Variants in GABRB1 observed in about 807,000 individuals in gnomAD.
The protein encoded by GABRB1 is gamma-aminobutyric acid receptor subunit beta-1.
A neutral mutation model predicts 51.6 loss-of-function variants in GABRB1; 17 were observed. The observed-to-expected ratio is 0.33, with a 90% confidence interval of 0.23 to 0.49. GABRB1 has a LOEUF of 0.49. GABRB1 is among the 20% of genes least tolerant of loss of function. GABRB1 has a pLI of 0.99. For synonymous variants in GABRB1, 247 were observed against 218.9 expected (o/e 1.13, Z -1.14); for missense variants, 410 against 600.6 (o/e 0.68, Z 3.32).
chr4:47,250,023 C>A (rs1030292191), intron 4 of GABRB1, among the ~76,000 whole-genome samples: 2 of 151,902 alleles, frequency 1.3e-5, no homozygotes, highest in East Asian at 3.9e-4. Flanking sequence ...TGATTTTTAA[C>A]TTGTATTTTT....
At chr4:47,350,320 G>A (rs1398084767) in intron 5 of GABRB1, among the ~76,000 whole-genome samples, 5 of 146,320 alleles carry the variant, frequency 3.4e-5, no homozygotes, top group Middle Eastern at 3.8e-3. Flanking sequence ...TTCAATATAT[G>A]TTTCTGCAAG....
intron 1 of GABRB1, among the ~76,000 whole-genome samples, chr4:47,025,209 G>T (rs886739260): frequency 6.6e-6 from 1 of 151,276 alleles, no homozygotes; most frequent in Non-Finnish European, 1.5e-5. Context: ...ATAAACATGC[G>T]TGTGCAAGTA....
chr4:47,397,610 A>T (rs759813291), intron 5 of GABRB1, among the ~76,000 whole-genome samples: 1 of 151,982 alleles, frequency 6.6e-6, no homozygotes, highest in East Asian at 1.9e-4. Context: ...TCTGTTGCCC[A>T]GGCTGGAGTG....
upstream of GABRB1, among the ~76,000 whole-genome samples, chr4:47,028,635 G>A (rs1380076174): frequency 6.6e-6 from 1 of 151,188 alleles, no homozygotes; most frequent in East Asian, 1.9e-4. Flanking sequence ...GTGGCTAATT[G>A]GAATGAAATT....
intron 7 of GABRB1, among the ~76,000 whole-genome samples, chr4:47,404,675 G>A (rs1455452555): frequency 1.3e-5 from 2 of 152,308 alleles, no homozygotes; most frequent in Middle Eastern, 3.4e-3. Context: ...AGCTCACAAA[G>A]TCAAGTGTTT....
chr4:47,383,093 A>G (rs1397659635), intron 5 of GABRB1, among the ~76,000 whole-genome samples: 1 of 152,182 alleles, frequency 6.6e-6, no homozygotes. Flanking sequence ...CATTCTATTC[A>G]CATGGATTTC....
chr4:47,412,538 T>C (rs1361152696), intron 8 of GABRB1, among the ~76,000 whole-genome samples: 1 of 152,208 alleles, frequency 6.6e-6, no homozygotes, highest in East Asian at 1.9e-4. Context: ...CACTGTGCCA[T>C]ATAGCATTAC....
At chr4:47,381,575 T>G (rs1181951525) in intron 5 of GABRB1, among the ~76,000 whole-genome samples, 1 of 152,146 alleles carries the variant, frequency 6.6e-6, no homozygotes, top group East Asian at 1.9e-4. Context: ...TCCTGTCCAT[T>G]CTCCCAAACA....
intron 1 of GABRB1, among the ~76,000 whole-genome samples, chr4:47,000,620 A>G (rs1724149768): frequency 6.6e-6 from 1 of 152,156 alleles, no homozygotes; most frequent in South Asian, 2.1e-4. Context: ...GGTTTGACTG[A>G]GCTGGGCATT....
chr4:47,092,761 G>C (rs563987143), intron 3 of GABRB1, among the ~76,000 whole-genome samples: 1 of 151,628 alleles, frequency 6.6e-6, no homozygotes. Context: ...ACAGGTGCCC[G>C]CCACCACACC....
intron 4 of GABRB1, among the ~76,000 whole-genome samples, chr4:47,283,259 A>G (rs1723359084): frequency 6.6e-6 from 1 of 151,242 alleles, no homozygotes; most frequent in African/African-American, 2.4e-5. Flanking sequence ...TTCAAACAAG[A>G]CACTAAGTTT....
intron 5 of GABRB1, among the ~76,000 whole-genome samples, chr4:47,365,826 C>A (rs752246555): frequency 2.0e-5 from 3 of 152,204 alleles, no homozygotes; most frequent in Non-Finnish European, 4.4e-5. Context: ...GCACAGCTAA[C>A]CTGCTCTCTC....
chr4:47,359,209 A>T (rs1726709124), intron 5 of GABRB1, among the ~76,000 whole-genome samples: 1 of 152,174 alleles, frequency 6.6e-6, no homozygotes, highest in South Asian at 2.1e-4. Context: ...GCTCTTGCAA[A>T]GATTTCAAAT....
At chr4:47,267,328 T>TATAGCTCTTAAGGAAAAAATATC (rs1232510420) in intron 4 of GABRB1, among the ~76,000 whole-genome samples, 13 of 151,924 alleles carry the variant, frequency 8.6e-5, no homozygotes, top group Admixed American at 8.5e-4. Flanking sequence ...TTAAAAATAT[T>TATAGCTCTTAAGGAAAAAATATC]ATAGCTCTTA....
intron 8 of GABRB1, among the ~76,000 whole-genome samples, chr4:47,413,147 T>G (rs1728813030): frequency 6.6e-6 from 1 of 152,240 alleles, no homozygotes; most frequent in Non-Finnish European, 1.5e-5. Context: ...CAGACTGCTC[T>G]TTGTTAGAAA....
upstream of GABRB1, among the ~76,000 whole-genome samples, chr4:47,027,285 G>T (rs919395832): frequency 2.0e-5 from 3 of 151,340 alleles, no homozygotes; most frequent in African/African-American, 7.3e-5. Context: ...AATAATTTGA[G>T]AAGACATTCC....
At chr4:47,418,073 G>A (rs1430576795) in intron 8 of GABRB1, among the ~76,000 whole-genome samples, 2 of 152,296 alleles carry the variant, frequency 1.3e-5, no homozygotes, top group Middle Eastern at 3.4e-3. Context: ...TCAGATTTCT[G>A]TTAAGGAAAG....
intron 4 of GABRB1, among the ~76,000 whole-genome samples, chr4:47,263,449 A>G (rs912225654): frequency 1.3e-5 from 2 of 152,164 alleles, no homozygotes; most frequent in Admixed American, 1.3e-4. Context: ...TGGAAAGTGC[A>G]GAGACCAAGT....
Position 47,403,340 on chromosome 4 carries a change from T to C in GABRB1, c.567T>C (p.Ile189=), listed in dbSNP as rs997879520. 2 of 1,613,916 alleles carry C rather than the reference T, an allele frequency of 1.2e-6. No homozygotes were observed. Among genetic ancestry groups the C allele is most frequent in the African/African-American group, 2.7e-5 (2 of 74,920 alleles). ...CAGATGGCTATACCACTGATGACAT[T>C]GAATTTTACTGGAATGGAGGAGAAG... ...IESYGYTTDD[I]EFYWNGGEGA... The change falls in exon 6 of 9, where the codon ATT becomes ATC. Residue 189 remains isoleucine, a synonymous_variant. Coordinates refer to ENST00000295454, the MANE Select transcript of GABRB1 (RefSeq NM_000812.4).
Sources: allele counts gnomAD v4.1 joint callset (sites outside exome capture counted in the v4.1 genomes callset), GRCh38; gene constraint gnomAD v4.1.1; transcripts MANE v1.5; gene names NCBI Gene and HGNC (gene_info 2026-07-23, HGNC 2026-07-21).